Variants in OSTC observed in about 807,000 individuals in gnomAD.
OSTC encodes the protein oligosaccharyltransferase complex subunit OSTC.
In OSTC, 16 loss-of-function variants were observed where a neutral mutation model predicts 16.4. The observed-to-expected ratio is 0.98, with a 90% confidence interval of 0.66 to 1.49. OSTC has a LOEUF of 1.49. OSTC is among the 40% of genes most tolerant of loss of function. The pLI is 0.00. For missense variants in OSTC, 139 were observed against 186.3 expected, an observed-to-expected ratio of 0.75 and a Z score of 1.48; for synonymous variants, 67 against 68.5, an observed-to-expected ratio of 0.98 and a Z score of 0.11.
At chr4:108,651,052 A>G in intron 1 of OSTC, 1 of 443,088 alleles carries the variant, frequency 2.3e-6, no homozygotes, top group Non-Finnish European at 4.0e-6. Flanking sequence ...CAGGGATCCG[A>G]GTCAAATATA....
At chr4:108,658,503 T>C (rs941812161) in intron 3 of OSTC, among the ~76,000 whole-genome samples, 3 of 152,058 alleles carry the variant, frequency 2.0e-5, no homozygotes, top group African/African-American at 7.2e-5. Flanking sequence ...AACTTTTCAA[T>C]ATCTTTAGAG....
Position 108,667,245 on chromosome 4 carries a change from A to C in OSTC, c.432-2A>C. On this transcript the variant is annotated splice_acceptor_variant, in intron 3 of 3. Coordinates refer to ENST00000361564, the MANE Select transcript of OSTC (RefSeq NM_021227.4). LOFTEE classifies it high-confidence loss of function. ...TTTGTGCTTATAATTATATTTCTGCAGGGGCTATCTGATGGGTTAGAGTGC... is the reference window on the plus strand; with the variant it reads ...TTTGTGCTTATAATTATATTTCTGCCGGGGCTATCTGATGGGTTAGAGTGC... The C allele has an allele frequency of 1.2e-6, 2 of 1,608,258 alleles. No homozygotes were observed. Among genetic ancestry groups the C allele is most frequent in the Non-Finnish European group, 1.7e-6 (2 of 1,176,492 alleles).
intron 1 of OSTC, chr4:108,652,302 A>G (rs544635525): frequency 4.6e-5 from 7 of 152,300 alleles, no homozygotes; most frequent in African/African-American, 9.6e-5. Flanking sequence ...TCATTATTCA[A>G]TAATAATAAT....
At chr4:108,657,856 T>G (rs997423820) in intron 3 of OSTC, among the ~76,000 whole-genome samples, 1 of 151,166 alleles carries the variant, frequency 6.6e-6, no homozygotes, top group African/African-American at 2.4e-5. Context: ...CCCATGAATG[T>G]TCATGAGAGA....
chr4:108,657,525 C>A lies in OSTC; in HGVS notation c.309C>A (p.Ile103=). The A allele has an allele frequency of 6.2e-7, 1 of 1,613,606 alleles. No individual in the cohort carries two copies. The highest frequency in any genetic ancestry group is 8.5e-7 in the Non-Finnish European group (1 of 1,179,636). ...CAATGGGAGGTTTAGGTTTCATAATCCTGGACCGATCGAATGCACCAAATA... is the reference window on the plus strand; with the variant it reads ...CAATGGGAGGTTTAGGTTTCATAATACTGGACCGATCGAATGCACCAAATA... ...LFTMGGLGFI[I]LDRSNAPNIP... The change falls in exon 3 of 4, where the codon ATC becomes ATA. Residue 103 remains isoleucine, a synonymous_variant. Transcript: ENST00000361564.
chr4:108,656,097 A>G (rs569860676), intron 2 of OSTC, among the ~76,000 whole-genome samples: 1 of 152,290 alleles, frequency 6.6e-6, no homozygotes, highest in South Asian at 2.1e-4. Context: ...CTATATGGGT[A>G]TTTAAGAAAA....
chr4:108,659,529 G>A (rs1338488573), intron 3 of OSTC, among the ~76,000 whole-genome samples: 1 of 152,132 alleles, frequency 6.6e-6, no homozygotes, highest in Admixed American at 6.6e-5. Context: ...AGCACTTTGG[G>A]AGGCTGAAGC....
intron 3 of OSTC, among the ~76,000 whole-genome samples, chr4:108,665,792 T>A (rs2110389374): frequency 1.3e-5 from 2 of 152,160 alleles, no homozygotes; most frequent in South Asian, 4.1e-4. Context: ...ACTCCTGACC[T>A]GGTGCTCCAC....
At chr4:108,666,796 A>G (rs1401372510) in intron 3 of OSTC, among the ~76,000 whole-genome samples, 2 of 150,912 alleles carry the variant, frequency 1.3e-5, no homozygotes, top group Admixed American at 1.3e-4. Context: ...ACCTGAAGTC[A>G]GGAGTTCCAG....
chr4:108,666,499 C>T (rs963819253), intron 3 of OSTC, among the ~76,000 whole-genome samples: 3 of 152,070 alleles, frequency 2.0e-5, no homozygotes, highest in South Asian at 2.1e-4. Flanking sequence ...TAACTGAGGT[C>T]GGGCATTTGA....
chr4:108,650,661 G>A lies in OSTC; in HGVS notation c.6G>A (p.Glu2=), dbSNP rs1482806402. Residue 2 remains glutamate (E), a synonymous_variant, in exon 1 of 4, where the codon GAG becomes GAA. Coordinates refer to ENST00000361564, the MANE Select transcript of OSTC (RefSeq NM_021227.4). ...CGGCCCTTGCTGCCACCAACATGGA[G>A]ACTTTGTACCGTGTCCCGTTCTTAG... M[E]TLYRVPFLVL... 1.2e-6 allele frequency: 2 copies of A among 1,613,998 alleles called. No individual in the cohort carries two copies. The highest frequency in any genetic ancestry group is 1.3e-5 in the African/African-American group (1 of 74,922).
At chr4:108,652,772 C>T (rs1726589862) in intron 1 of OSTC, among the ~76,000 whole-genome samples, 1 of 152,178 alleles carries the variant, frequency 6.6e-6, no homozygotes, top group African/African-American at 2.4e-5. Context: ...GGCGCAGTGG[C>T]TCACGCCTGT....
Position 108,657,465 on chromosome 4 carries a change from T to C in OSTC, c.249T>C (p.Tyr83=). ...AFLAYRVNGQ[Y]IMEGLASSFL... Reference sequence around the variant, plus strand: ...TCTTTTCCAGAGTAAATGGACAATATATTATGGAAGGACTTGCATCCAGCT... The same window carrying C: ...TCTTTTCCAGAGTAAATGGACAATACATTATGGAAGGACTTGCATCCAGCT... Residue 83 remains tyrosine, a synonymous_variant, in exon 3 of 4, where the codon TAT becomes TAC. Coordinates refer to ENST00000361564, the MANE Select transcript of OSTC (RefSeq NM_021227.4). 6.2e-6 allele frequency: 10 copies of C among 1,611,644 alleles called. No individual in the cohort carries two copies. The highest frequency in any genetic ancestry group is 8.5e-6 in the Non-Finnish European group (10 of 1,177,912).
chr4:108,662,576 T>C (rs903241214), intron 3 of OSTC, among the ~76,000 whole-genome samples: 2 of 152,212 alleles, frequency 1.3e-5, no homozygotes, highest in African/African-American at 4.8e-5. Flanking sequence ...TATATACCTA[T>C]TGTAATTTCA....
chr4:108,653,648 C>T (rs2110381179), intron 1 of OSTC, among the ~76,000 whole-genome samples: 1 of 152,212 alleles, frequency 6.6e-6, no homozygotes, highest in East Asian at 1.9e-4. Flanking sequence ...ATTGAGAAAA[C>T]AAAGTTTTTG....
At chr4:108,662,028 A>G (rs1726871125) in intron 3 of OSTC, among the ~76,000 whole-genome samples, 1 of 152,220 alleles carries the variant, frequency 6.6e-6, no homozygotes, top group Non-Finnish European at 1.5e-5. Flanking sequence ...GTCTGTTATA[A>G]AGCTGTATAA....
chr4:108,651,192 A>C (rs953322487), intron 1 of OSTC: 28 of 178,440 alleles, frequency 1.6e-4, no homozygotes, highest in Non-Finnish European at 2.4e-5. Context: ...GGGAAGGTCT[A>C]ATTTGGCCAA....
At chr4:108,655,218 C>T (rs1205099871) in intron 1 of OSTC, among the ~76,000 whole-genome samples, 1 of 152,178 alleles carries the variant, frequency 6.6e-6, no homozygotes, top group Non-Finnish European at 1.5e-5. Flanking sequence ...GTAATCCCAG[C>T]ACTTTGGGAG....
chr4:108,667,005 CA>C (rs1164224027), intron 3 of OSTC, among the ~76,000 whole-genome samples: 144 of 128,724 alleles, frequency 1.1e-3, no homozygotes, highest in Non-Finnish European at 1.3e-3. Context: ...AACTCCATCT[CA>C]AAAAAAAAAA....
Sources: allele counts gnomAD v4.1 joint callset (sites outside exome capture counted in the v4.1 genomes callset), GRCh38; gene constraint gnomAD v4.1.1; transcripts MANE v1.5; gene names NCBI Gene and HGNC (gene_info 2026-07-23, HGNC 2026-07-21).